The following TP53I13 variants were observed in gnomAD, a reference collection of about 807,000 sequenced individuals.
TP53I13 encodes tumor protein p53 inducible protein 13.
A neutral mutation model predicts 39.1 loss-of-function variants in TP53I13; 27 were observed. The ratio of observed to expected loss-of-function variants is 0.69; its 90% CI spans 0.51 to 0.95. TP53I13 has a LOEUF of 0.95. Among genes scored for constraint, TP53I13 ranks in the 40% least tolerant of loss-of-function variants. The probability of loss-of-function intolerance (pLI) is 0.00; values close to 1 mark genes in which losing one functional copy is unlikely to be tolerated. For synonymous variants in TP53I13, 230 were observed against 224.6 expected (o/e 1.02, Z -0.22); for missense variants, 544 against 520.4 (o/e 1.05, Z -0.44).
upstream of TP53I13, chr17:29,566,690 G>A (rs745458663): frequency 8.1e-5 from 129 of 1,587,770 alleles, no homozygotes; most frequent in African/African-American, 1.4e-3. Context: ...CCGGCCTCCA[G>A]CGCCTCTGAG....
chr17:29,578,191 T>C, the TP53I13 span: 2 of 917,632 alleles, frequency 2.2e-6, no homozygotes, highest in Non-Finnish European at 3.6e-6. Flanking sequence ...TGCAGGCCTC[T>C]GAGCAGCCCC....
At chr17:29,577,706 G>A, downstream of TP53I13, 2 of 1,612,674 alleles carry the variant, frequency 1.2e-6, no homozygotes, top group Non-Finnish European at 1.7e-6. Context: ...ACTGCGCTCT[G>A]TCACCAGAGT....
chr17:29,576,664 G>A (rs1242062247), downstream of TP53I13: 4 of 1,613,820 alleles, frequency 2.5e-6, no homozygotes, highest in African/African-American at 1.3e-5. Context: ...CAAGTCCGAG[G>A]AGTCCATGCT....
Position 29,569,246 on chromosome 17 carries a change from G to A in TP53I13, c.142-72G>A, listed in dbSNP as rs1372000956. 14 of 1,554,384 alleles carry A rather than the reference G, an allele frequency of 9.0e-6. No individual in the cohort carries two copies. The African/African-American group carries it at 1.4e-4, about 15-fold the overall frequency. ...CATCCCAGCCTGGCGCTTGGGGCCTGCCGTCCCCTCCCCACCACACACACA... is the reference window on the plus strand; with the variant it reads ...CATCCCAGCCTGGCGCTTGGGGCCTACCGTCCCCTCCCCACCACACACACA... On this transcript the variant is annotated intron_variant, in intron 2 of 6. Coordinates refer to ENST00000301057, the MANE Select transcript of TP53I13 (RefSeq NM_138349.4).
intron 4 of TP53I13, 63 bp downstream of exon 4, chr17:29,571,782 G>T: frequency 6.2e-7 from 1 of 1,613,382 alleles, no homozygotes; most frequent in South Asian, 1.1e-5. Flanking sequence ...CGTGTGCAGG[G>T]AATGGAAAAT....
chr17:29,573,014 C>G lies in TP53I13; in HGVS notation c.*90C>G, dbSNP rs2033027931. The stretch of plus-strand genomic sequence containing the variant: ...ACGTGGACCGCGCGCGGGGCGCTCC[C>G]TGGTGGCGATGGCGCGGCACTGGCC... On this transcript the variant is annotated 3_prime_UTR_variant, in exon 7 of 7. Transcript: ENST00000301057. 9.1e-7 allele frequency: 1 copy of G among 1,098,238 alleles called. No individual in the cohort carries two copies. The highest frequency in any genetic ancestry group is 4.2e-5 in the Admixed American group (1 of 23,530). The allele number at this position is 1,098,238 out of a possible 1,614,324, so 68.0% of individuals were successfully genotyped here. A position where few individuals can be genotyped will look rare whatever the true frequency, so the allele number is the denominator to read the frequency against.
At chr17:29,573,484 CTTCT>C (rs1300460671), downstream of TP53I13, 6 of 152,818 alleles carry the variant, frequency 3.9e-5, no homozygotes, top group East Asian at 5.8e-4. Context: ...CTCATGGTCA[CTTCT>C]TTATTTTTGA....
chr17:29,572,362 A>G lies in TP53I13; in HGVS notation c.734A>G (p.Asn245Ser). ...GCGGGAATCCCTGGTAGGGAGAGTA[A>G]TGCCCCATCTGTGCCCACTGTCTCC... The part of the protein sequence containing the change: ...SMAGIPGRES[N>S]APSVPTVSLL... Residue 245 changes from asparagine to serine, a missense_variant, in exon 6 of 7, where the codon AAT (asparagine) becomes AGT (serine). By Grantham distance (46) the Asn-to-Ser change is conservative. Coordinates refer to ENST00000301057, the MANE Select transcript of TP53I13 (RefSeq NM_138349.4). The G allele has an allele frequency of 1.2e-6, 2 of 1,606,306 alleles. No individual in the cohort carries two copies. Among genetic ancestry groups the G allele is most frequent in the Non-Finnish European group, 1.7e-6 (2 of 1,174,812 alleles).
intron 6 of TP53I13, 51 bp downstream of exon 6, chr17:29,572,748 C>T: frequency 6.9e-7 from 1 of 1,450,246 alleles, no homozygotes; most frequent in South Asian, 1.4e-5. Flanking sequence ...CACCTCGCGT[C>T]GCCCGCCGCC....
At chr17:29,566,372 A>C (rs770149003), upstream of TP53I13, 41 of 1,610,888 alleles carry the variant, frequency 2.5e-5, no homozygotes, top group Non-Finnish European at 3.4e-5. Flanking sequence ...ACCAGTGGGC[A>C]ACCGTGGTGG....
chr17:29,569,586 C>T (rs139701144), intron 3 of TP53I13: 2 of 451,678 alleles, frequency 4.4e-6, no homozygotes, highest in Non-Finnish European at 7.9e-6. Context: ...AATGCTGTGT[C>T]AGGATGCTGT....
In TP53I13 at chr17:29,572,264, T is replaced by A; in HGVS notation, c.636T>A (p.Gly212=). 1 of 1,612,766 alleles carries A rather than the reference T, an allele frequency of 6.2e-7. No individual in the cohort carries two copies. Among genetic ancestry groups the A allele is most frequent in the East Asian group, 2.2e-5 (1 of 44,876 alleles). Residue 212 remains glycine (G), a synonymous_variant, in exon 6 of 7, where the codon GGT becomes GGA. Coordinates refer to ENST00000301057, the MANE Select transcript of TP53I13 (RefSeq NM_138349.4). ...AKRRRLRAAL[G]PQPTRSALRF... ...GGCGGAGGCTGCGGGCTGCCCTTGG[T>A]CCCCAGCCCACTCGCTCAGCCCTGA...
downstream of TP53I13, chr17:29,577,797 G>A (rs2033266163): frequency 9.2e-7 from 1 of 1,084,298 alleles, no homozygotes; most frequent in Non-Finnish European, 1.4e-6. Context: ...CCCAAGGTGG[G>A]GGTGGGGAAG....
chr17:29,576,372 G>A (rs762510669), downstream of TP53I13: 18 of 1,613,470 alleles, frequency 1.1e-5, 1 homozygote, highest in Admixed American at 3.3e-5. Context: ...TGTTCCGCCC[G>A]TTCACTGGGG....
In TP53I13 at chr17:29,572,828, G is replaced by GCT; in HGVS notation, c.1087_1088dup (p.Leu364CysfsTer103). On this transcript the variant is annotated frameshift_variant, in exon 7 of 7. Transcript: ENST00000301057. LOFTEE classifies it high-confidence loss of function. ...GGCCCACAGCTGTGCTGAAGCGGAG[G>GCT]CTGCTGCAGCCCTCGCGCCGGGTCA... 1.3e-6 allele frequency: 2 copies of GCT among 1,529,816 alleles called. No homozygotes were observed. The highest frequency in any genetic ancestry group is 1.7e-6 in the Non-Finnish European group (2 of 1,143,462). The allele number at this position is 1,529,816 out of a possible 1,614,324, so 94.8% of individuals were successfully genotyped here.
chr17:29,580,774 TTC>T, the TP53I13 span, among the ~76,000 whole-genome samples: 1 of 151,570 alleles, frequency 6.6e-6, no homozygotes, highest in Admixed American at 6.6e-5. Flanking sequence ...CTGTTTCTTT[TTC>T]TTTTTTTTTT....
chr17:29,569,518 A>G (rs903738634), intron 3 of TP53I13, 159 bp downstream of exon 3: 10 of 663,094 alleles, frequency 1.5e-5, no homozygotes, highest in Non-Finnish European at 2.6e-5. Context: ...CAAGCCCAGG[A>G]CAGATCAGCC....
At chr17:29,574,575 G>T, downstream of TP53I13, 1 of 841,428 alleles carries the variant, frequency 1.2e-6, no homozygotes, top group Non-Finnish European at 2.0e-6. Flanking sequence ...CTGGCTGCCA[G>T]GGAGTGTGGC....
chr17:29,566,842 T>C (rs1196160431), upstream of TP53I13: 8 of 1,513,450 alleles, frequency 5.3e-6, no homozygotes, highest in East Asian at 2.1e-4. Context: ...GTCTCGGTCT[T>C]GGGCCCCCGG....
Sources: gnomAD v4.1 joint callset for allele counts (sites outside exome capture counted in the v4.1 genomes callset) on GRCh38, gnomAD v4.1.1 for gene constraint, MANE v1.5 for transcripts, NCBI Gene and HGNC (gene_info 2026-07-23, HGNC 2026-07-21) for gene names.